The following NXPE1 variants were observed in gnomAD, a reference collection of about 807,000 sequenced individuals.
The protein encoded by NXPE1 is neurexophilin and PC-esterase domain family member 1.
Under a neutral mutation model 33.3 loss-of-function variants are expected in NXPE1, and 31 were observed. That is an observed-to-expected ratio of 0.93 (90% CI 0.70 to 1.26). NXPE1 has a LOEUF of 1.26. NXPE1 is among the 50% of genes most tolerant of loss of function. The pLI, the probability that NXPE1 is intolerant of heterozygous loss-of-function variation, is 0.00. For missense variants in NXPE1, 661 were observed against 655.6 expected (o/e 1.01, Z -0.09); for synonymous variants, 229 against 231.4 (o/e 0.99, Z 0.09).
chr11:114,524,086 A>G (rs765126918), intron 7 of NXPE1, among the ~76,000 whole-genome samples: 5 of 152,212 alleles, frequency 3.3e-5, no homozygotes, highest in African/African-American at 4.8e-5. Flanking sequence ...CTCATGGTCT[A>G]ACTTGGCTCT....
chr11:114,526,779 A>T (rs1947382077), intron 7 of NXPE1: 1 of 152,192 alleles, frequency 6.6e-6, no homozygotes, highest in Non-Finnish European at 1.5e-5. Flanking sequence ...ACAAGGAATA[A>T]TTTTTTAGTG....
In NXPE1 at chr11:114,526,745, C is replaced by T. The variant is rs1175070612; in HGVS notation, c.895+1095G>A. On this transcript the variant is annotated intron_variant, in intron 7 of 8. Transcript: ENST00000534921. ...GAGTTAGATAAAAAATACAGGACAC[C>T]GTATTAAATTTGTATTACTTCTAAC... The T allele has an allele frequency of 5.9e-5, 9 of 152,194 alleles. No individual in the cohort carries two copies. In the South Asian group the frequency reaches 1.0e-3, roughly 18 times the overall value. 9.4% of individuals were successfully genotyped at this position (152,194 alleles called of 1,614,324 possible). A position where few individuals can be genotyped will look rare whatever the true frequency, so the allele number is the denominator to read the frequency against.
chr11:114,538,747 CCA>C (rs1947949500), intron 5 of NXPE1, among the ~76,000 whole-genome samples: 1 of 152,014 alleles, frequency 6.6e-6, no homozygotes, highest in South Asian at 2.1e-4. Context: ...CCATCTCACA[CCA>C]GTTAGAATGG....
rs191732371 is a variant in NXPE1 at position 114,542,431 on chromosome 11, G to A, written c.99+8672C>T. The stretch of plus-strand genomic sequence containing the variant: ...AACATAATTGAAAAGTTTGATATGA[G>A]GATTTATGGTAAGGATGAATCATAT... On this transcript the variant is annotated intron_variant, in intron 5 of 8. Transcript: ENST00000534921. Among the ~76,000 whole-genome samples, 5 of 152,202 alleles carry A rather than the reference G, an allele frequency of 3.3e-5. No individual in the cohort carries two copies. In the East Asian group the frequency reaches 9.7e-4, roughly 29 times the overall value.
chr11:114,558,999 CAGTT>C (rs1444823526), intron 1 of NXPE1, among the ~76,000 whole-genome samples: 2 of 152,098 alleles, frequency 1.3e-5, no homozygotes, highest in Non-Finnish European at 2.9e-5. Flanking sequence ...TACTATCCAA[CAGTT>C]AGATACAACT....
intron 1 of NXPE1, chr11:114,553,879 T>G: frequency 4.8e-5 from 46 of 968,130 alleles, no homozygotes; most frequent in Non-Finnish European, 5.5e-5. Flanking sequence ...CCATGATGGG[T>G]ACATTTAGAT....
chr11:114,537,669 C>G (rs1947888680), intron 5 of NXPE1, among the ~76,000 whole-genome samples: 1 of 152,084 alleles, frequency 6.6e-6, no homozygotes. Context: ...CATGAGTGAA[C>G]TCCCATTCAC....
At chr11:114,535,008 A>C (rs1238920744) in intron 5 of NXPE1, among the ~76,000 whole-genome samples, 1 of 152,218 alleles carries the variant, frequency 6.6e-6, no homozygotes, top group Non-Finnish European at 1.5e-5. Context: ...AATGAAGGAA[A>C]AAATGTTAAG....
intron 1 of NXPE1, chr11:114,553,785 C>T: frequency 1.0e-6 from 1 of 983,392 alleles, no homozygotes; most frequent in Non-Finnish European, 1.2e-6. Flanking sequence ...TGAACCCAGC[C>T]TTTGCTGGCT....
intron 6 of NXPE1, chr11:114,529,283 T>C (rs1360156906): frequency 6.5e-6 from 1 of 153,574 alleles, no homozygotes. Context: ...AGTTAGCAAA[T>C]GAGCAAAAGT....
At chr11:114,557,656 T>C (rs1200912052) in intron 1 of NXPE1, among the ~76,000 whole-genome samples, 1 of 92,336 alleles carries the variant, frequency 1.1e-5, no homozygotes, top group Non-Finnish European at 2.3e-5. Context: ...TATATATATA[T>C]ATATATATAT....
rs187733391 is a variant in NXPE1, at chr11:114,532,629, A to G, written c.100-1721T>C. The stretch of plus-strand genomic sequence containing the variant: ...TAAGAATGGAATATATTTTATACTA[A>G]AACTAGGTAAGTATGATACAAGAAA... On this transcript the variant is annotated intron_variant, in intron 5 of 8. Coordinates refer to ENST00000534921, the Ensembl canonical transcript of NXPE1. Among the ~76,000 whole-genome samples the G allele has an allele frequency of 2.8e-4, 43 of 152,262 alleles. 1 individual carries two copies. The East Asian group carries it at 7.3e-3, about 26-fold the overall frequency.
chr11:114,537,697 T>G (rs1028451975), intron 5 of NXPE1, among the ~76,000 whole-genome samples: 1 of 151,916 alleles, frequency 6.6e-6, no homozygotes, highest in Non-Finnish European at 1.5e-5. Flanking sequence ...TCAAAGAGAA[T>G]AAAATACCTA....
intron 2 of NXPE1, among the ~76,000 whole-genome samples, chr11:114,552,317 A>C (rs1382209238): frequency 6.6e-6 from 1 of 152,122 alleles, no homozygotes. Context: ...AAGAGAAGAC[A>C]AGGGGCAGCT....
In NXPE1 at chr11:114,528,017, T is replaced by G; in HGVS notation, c.834-116A>C. On this transcript the variant is annotated intron_variant, in intron 6 of 8. Transcript: ENST00000534921. ...AGTTTTCTATAACTGGAAGCTGTTA[T>G]TATTGTTGTAAATTTTAGATATATT... The G allele has an allele frequency of 7.6e-6, 5 of 659,814 alleles. No individual in the cohort carries two copies. The South Asian group carries it at 1.1e-4, about 15-fold the overall frequency. The allele number at this position is 659,814 out of a possible 1,614,324, so 40.9% of individuals were successfully genotyped here.
intron 5 of NXPE1, among the ~76,000 whole-genome samples, chr11:114,538,050 A>G (rs1372858299): frequency 6.6e-6 from 1 of 152,242 alleles, no homozygotes; most frequent in Non-Finnish European, 1.5e-5. Context: ...TACAGTAACC[A>G]AAACAGCATG....
intron 5 of NXPE1, among the ~76,000 whole-genome samples, chr11:114,541,643 C>T (rs1948100658): frequency 6.6e-6 from 1 of 152,058 alleles, no homozygotes; most frequent in Non-Finnish European, 1.5e-5. Context: ...TTGGTTTGTT[C>T]CAGAAAGGCA....
chr11:114,548,517 C>G (rs1170245310), intron 5 of NXPE1, among the ~76,000 whole-genome samples: 2 of 151,810 alleles, frequency 1.3e-5, no homozygotes, highest in Admixed American at 1.3e-4. Context: ...AAATAAAAAC[C>G]CCAAATACCA....
chr11:114,527,083 G>C (rs546731236), intron 7 of NXPE1: 18 of 152,212 alleles, frequency 1.2e-4, no homozygotes, highest in African/African-American at 4.3e-4. Flanking sequence ...TTCTCCATTT[G>C]TCCATAATGC....
Sources: gnomAD v4.1 joint callset for allele counts (sites outside exome capture counted in the v4.1 genomes callset) on GRCh38, gnomAD v4.1.1 for gene constraint, MANE v1.5 for transcripts, NCBI Gene and HGNC (gene_info 2026-07-23, HGNC 2026-07-21) for gene names.